PRSS2: variants seen among roughly 807,000 people sequenced by gnomAD.
PRSS2 encodes the protein serine protease 2, also known as trypsin-2.
A neutral mutation model predicts 19.2 loss-of-function variants in PRSS2; 19 were observed. The observed-to-expected ratio is 0.99, with a 90% CI of 0.69 to 1.45. PRSS2 has a LOEUF of 1.45. Among genes scored for constraint, PRSS2 ranks in the 40% most tolerant of loss-of-function variants. The probability of loss-of-function intolerance (pLI) is 0.00; values close to 1 mark genes in which losing one functional copy is unlikely to be tolerated. For synonymous variants in PRSS2, 107 were observed against 117.5 expected, an observed-to-expected ratio of 0.91 and a Z score of 0.58; for missense variants, 288 against 294.4, an observed-to-expected ratio of 0.98 and a Z score of 0.16.
chr7:142,772,087 G>A lies in PRSS2; in HGVS notation c.79G>A (p.Gly27Ser). ...PFDDDDKIVG[G>S]YICEENSVPY... ...TGATGATGATGACAAGATCGTTGGG[G>A]GCTACATCTGTGAGGAGAATTCTGT... Residue 27 changes from glycine to serine, a missense_variant, in exon 2 of 5, where the codon GGC (glycine) becomes AGC (serine). Coordinates refer to ENST00000539842, the MANE Select transcript of PRSS2 (RefSeq NM_002770.4). 1 of 1,613,786 alleles carries A rather than the reference G, an allele frequency of 6.2e-7. No individual in the cohort carries two copies. Among genetic ancestry groups the A allele is most frequent in the Non-Finnish European group, 8.5e-7 (1 of 1,179,690 alleles).
At position 142,774,022 on chromosome 7, in the gene PRSS2, G is replaced by A. The variant is rs1480628354; in HGVS notation, c.558G>A (p.Val186=). The A allele has an allele frequency of 2.2e-5, 35 of 1,604,182 alleles. No individual in the cohort carries two copies. The highest frequency in any genetic ancestry group is 2.9e-5 in the Non-Finnish European group (34 of 1,171,108). The part of the protein sequence containing the change: ...PGKITNNMFC[V]GFLEGGKDSC... The stretch of plus-strand genomic sequence containing the variant: ...AGATTACCAACAACATGTTCTGTGT[G>A]GGCTTCCTCGAGGGAGGCAAGGATT... The change falls in exon 4 of 5, where the codon GTG becomes GTA. Residue 186 remains valine (V), a synonymous_variant. Transcript: ENST00000539842.
chr7:142,771,569 G>A (rs1799896701), intron 1 of PRSS2, among the ~76,000 whole-genome samples: 1 of 152,138 alleles, frequency 6.6e-6, no homozygotes, highest in Non-Finnish European at 1.5e-5. Context: ...TGAGCCTGGG[G>A]CTTCCCTCAA....
chr7:142,771,903 A>G lies in PRSS2; in HGVS notation c.41-146A>G, dbSNP rs1392006266. 1.5e-5 allele frequency: 15 copies of G among 1,011,036 alleles called. 1 individual carries two copies. In the South Asian group the frequency reaches 1.9e-4, roughly 13 times the overall value. 62.6% of individuals were successfully genotyped at this position (1,011,036 alleles called of 1,614,324 possible). ...GACTTGGGAGCCACATCCAGTGATG[A>G]TCACCAGGGCTGGCAGCGCTCCCCC... On this transcript the variant is annotated intron_variant, in intron 1 of 4. Transcript: ENST00000539842.
rs943292520 is a variant in PRSS2, at chr7:142,773,280, G to C, written c.215G>C (p.Arg72Thr). The change falls in exon 3 of 5, where the codon AGA (arginine) becomes ACA (threonine). Residue 72 changes from arginine (R) to threonine (T), a missense_variant. Physicochemically the swap from Arg to Thr is moderately conservative, Grantham distance 71. Coordinates refer to ENST00000539842, the MANE Select transcript of PRSS2 (RefSeq NM_002770.4). ...GHCYKSRIQV[R>T]LGEHNIEVLE... is the part of the protein sequence containing the mutation. ...CTGCCCATCAGCCGCATCCAGGTGAGACTGGGAGAGCACAACATCGAAGTC... is the reference window on the plus strand; with the variant it reads ...CTGCCCATCAGCCGCATCCAGGTGACACTGGGAGAGCACAACATCGAAGTC... The C allele has an allele frequency of 3.1e-6, 5 of 1,614,134 alleles. No homozygotes were observed. The African/African-American group carries it at 5.3e-5, about 17-fold the overall frequency.
At chr7:142,771,996 G>T in intron 1 of PRSS2, 53 bp from the exon 2 acceptor site, 1 of 1,612,890 alleles carries the variant, frequency 6.2e-7, no homozygotes, top group Non-Finnish European at 8.5e-7. Flanking sequence ...GGCTGGGAGC[G>T]CCACCCCTAA....
intron 4 of PRSS2, 69 bp from the exon 5 acceptor site, chr7:142,774,287 T>G: frequency 9.5e-7 from 1 of 1,051,858 alleles, no homozygotes. Context: ...CTTTTAAGGT[T>G]CAGAGCAAAT....
Position 142,774,000 on chromosome 7 carries a change from T to C in PRSS2, c.536T>C (p.Ile179Thr), listed in dbSNP as rs1018843167. Residue 179 changes from isoleucine (I) to threonine (T), a missense_variant, in exon 4 of 5, where the codon ATT (isoleucine) becomes ACT (threonine). Coordinates refer to ENST00000539842, the MANE Select transcript of PRSS2 (RefSeq NM_002770.4). The stretch of plus-strand genomic sequence containing the variant: ...TGTGAAGCCTCCTACCCTGGAAAGA[T>C]TACCAACAACATGTTCTGTGTGGGC... ...AECEASYPGK[I>T]TNNMFCVGFL... The C allele has an allele frequency of 6.2e-7, 1 of 1,608,084 alleles. No homozygotes were observed. The highest frequency in any genetic ancestry group is 8.5e-7 in the Non-Finnish European group (1 of 1,174,542).
At position 142,773,431 on chromosome 7, in the gene PRSS2, C is replaced by CAT; in HGVS notation, c.366_367insAT (p.Val123MetfsTer27). The stretch of plus-strand genomic sequence containing the variant: ...CCTCACCTGCCGTCATCAATTCCCG[C>CAT]GTGTCCGCCATCTCTCTGCCCACTG... On this transcript the variant is annotated frameshift_variant, in exon 3 of 5. Coordinates refer to ENST00000539842, the MANE Select transcript of PRSS2 (RefSeq NM_002770.4). LOFTEE classifies it high-confidence loss of function. The CAT allele has an allele frequency of 1.3e-6, 2 of 1,540,526 alleles. No individual in the cohort carries two copies. Among genetic ancestry groups the CAT allele is most frequent in the South Asian group, 1.1e-5 (1 of 89,142 alleles).
chr7:142,772,426 T>C (rs1175499383), intron 2 of PRSS2: 52 of 791,256 alleles, frequency 6.6e-5, no homozygotes, highest in Non-Finnish European at 1.1e-4. Context: ...GTTGTGGTCA[T>C]AAAAGCAGGC....
At chr7:142,771,638 G>A (rs1324021807) in intron 1 of PRSS2, among the ~76,000 whole-genome samples, 3 of 141,092 alleles carry the variant, frequency 2.1e-5, no homozygotes, top group Non-Finnish European at 4.7e-5. Flanking sequence ...CCAAGTCGAT[G>A]TCGCCAGGGG....
At position 142,772,572 on chromosome 7, in the gene PRSS2, T is replaced by C; in HGVS notation, c.200+364T>C. 3 of 583,502 alleles carry C rather than the reference T, an allele frequency of 5.1e-6. No individual in the cohort carries two copies. In the South Asian group the frequency reaches 5.2e-5, roughly 10 times the overall value. The allele number at this position is 583,502 out of a possible 1,614,324, so 36.1% of individuals were successfully genotyped here. ...TGTGTTCTATCCCAGGGCAATTAACTCAAAATTATCAGGAAGAGGGTGTGA... is the reference window on the plus strand; with the variant it reads ...TGTGTTCTATCCCAGGGCAATTAACCCAAAATTATCAGGAAGAGGGTGTGA... On this transcript the variant is annotated intron_variant, in intron 2 of 4. Coordinates refer to ENST00000539842, the MANE Select transcript of PRSS2 (RefSeq NM_002770.4).
chr7:142,773,177 TGAGCAGG>T, intron 2 of PRSS2, 82 bp from the exon 3 acceptor site: 1 of 1,611,866 alleles, frequency 6.2e-7, no homozygotes, highest in Non-Finnish European at 8.5e-7. Context: ...GAGCTGTCCA[TGAGCAGG>T]GAGCTTAAGG....
In PRSS2 at chr7:142,773,514, CT is replaced by C. The variant is rs1160495186; in HGVS notation, c.450del (p.Gly151ValfsTer16). On this transcript the variant is annotated frameshift_variant, in exon 3 of 5. Transcript: ENST00000539842. LOFTEE classifies it high-confidence loss of function. ...TCCGGCTGGGGCAACACTCTGAGTT[CT>C]GGTGGTGAGTGGGACCCTTTGTCCT... The part of the protein sequence containing the change: ...LISGWGNTLS[S>X]GADYPDELQC... 3 of 1,581,094 alleles carry C rather than the reference CT, an allele frequency of 1.9e-6. No homozygotes were observed. Among genetic ancestry groups the C allele is most frequent in the Non-Finnish European group, 2.6e-6 (3 of 1,150,568 alleles).
chr7:142,772,238 C>A, intron 2 of PRSS2, 30 bp downstream of exon 2: 1 of 1,611,270 alleles, frequency 6.2e-7, no homozygotes, highest in South Asian at 1.1e-5. Flanking sequence ...CTGCAAAACT[C>A]CCAGCCAGGC....
intron 2 of PRSS2, among the ~76,000 whole-genome samples, chr7:142,772,979 A>T (rs948869475): frequency 2.1e-3 from 199 of 97,014 alleles, no homozygotes; most frequent in African/African-American, 8.5e-3. Flanking sequence ...TGCTAGTGAC[A>T]TGGAGATTAT....
intron 2 of PRSS2, 97 bp from the exon 3 acceptor site, chr7:142,773,169 G>A (rs993105356): frequency 5.1e-5 from 82 of 1,608,852 alleles, no homozygotes; most frequent in Non-Finnish European, 6.8e-5. Flanking sequence ...TGCCTCCAGA[G>A]CTGTCCATGA....
At position 142,774,033 on chromosome 7, in the gene PRSS2, A is replaced by T; in HGVS notation, c.569A>T (p.Glu190Val). 6.3e-7 allele frequency: 1 copy of T among 1,599,266 alleles called. No homozygotes were observed. The highest frequency in any genetic ancestry group is 1.3e-5 in the African/African-American group (1 of 74,722). ...AACATGTTCTGTGTGGGCTTCCTCG[A>T]GGGAGGCAAGGATTCCTGCCAGGTG... Reference protein sequence around the residue: ...TNNMFCVGFLEGGKDSCQGDS... With the variant: ...TNNMFCVGFLVGGKDSCQGDS... Residue 190 changes from glutamate (E) to valine (V), a missense_variant, in exon 4 of 5, where the codon GAG becomes GTG. Glu to Val is a moderately radical substitution (Grantham distance 121). Transcript: ENST00000539842.
Position 142,772,085 on chromosome 7 carries a change from G to A in PRSS2, c.77G>A (p.Gly26Glu), listed in dbSNP as rs1419364758. The A allele has an allele frequency of 4.3e-6, 7 of 1,613,678 alleles. No individual in the cohort carries two copies. In the Admixed American group the frequency reaches 1.0e-4, roughly 23 times the overall value. The change falls in exon 2 of 5, where the codon GGG becomes GAG. Residue 26 changes from glycine to glutamate, a missense_variant. Gly to Glu is a moderately conservative substitution (Grantham distance 98). Transcript: ENST00000539842. The stretch of plus-strand genomic sequence containing the variant: ...TTTGATGATGATGACAAGATCGTTG[G>A]GGGCTACATCTGTGAGGAGAATTCT... ...APFDDDDKIVGGYICEENSVP... is the reference protein window; with the variant it reads ...APFDDDDKIVEGYICEENSVP...
chr7:142,773,973 A>C lies in PRSS2; in HGVS notation c.509A>C (p.Glu170Ala). ...CLDAPVLSQA[E>A]CEASYPGKIT... ...GATGCTCCTGTGCTGAGCCAGGCTGAGTGTGAAGCCTCCTACCCTGGAAAG... is the reference window on the plus strand; with the variant it reads ...GATGCTCCTGTGCTGAGCCAGGCTGCGTGTGAAGCCTCCTACCCTGGAAAG... The change falls in exon 4 of 5, where the codon GAG becomes GCG. Residue 170 changes from glutamate (E) to alanine (A), a missense_variant. Transcript: ENST00000539842. The C allele has an allele frequency of 6.2e-7, 1 of 1,611,714 alleles. No homozygotes were observed. The highest frequency in any genetic ancestry group is 1.1e-5 in the South Asian group (1 of 90,950).
Sources: gnomAD v4.1 joint callset for allele counts (sites outside exome capture counted in the v4.1 genomes callset) on GRCh38, gnomAD v4.1.1 for gene constraint, MANE v1.5 for transcripts, NCBI Gene and HGNC (gene_info 2026-07-23, HGNC 2026-07-21) for gene names.